The following ALDH1L1 variants were observed in gnomAD, a reference collection of about 807,000 sequenced individuals.
ALDH1L1 encodes aldehyde dehydrogenase 1 family member L1.
ALDH1L1 carries 68 observed loss-of-function variants against 101.1 expected under a neutral mutation model. The observed-to-expected ratio is 0.67, with a 90% CI of 0.55 to 0.82. The LOEUF is 0.82. ALDH1L1 is among the 40% of genes least tolerant of loss of function. The pLI is 0.00. For synonymous variants in ALDH1L1, 486 were observed against 470.8 expected, an observed-to-expected ratio of 1.03 and a Z score of -0.42; for missense variants, 1,087 against 1,172.7, an observed-to-expected ratio of 0.93 and a Z score of 1.07.
intron 1 of ALDH1L1, among the ~76,000 whole-genome samples, chr3:126,167,389 G>A (rs767692116): frequency 6.6e-6 from 1 of 152,078 alleles, no homozygotes; most frequent in Non-Finnish European, 1.5e-5. Flanking sequence ...TCATGCTGAA[G>A]CTCTAACCTA....
Position 126,135,577 on chromosome 3 carries a change from C to A in ALDH1L1, c.1430G>T (p.Trp477Leu). The A allele has an allele frequency of 6.2e-7, 1 of 1,602,706 alleles. No homozygotes were observed. The highest frequency in any genetic ancestry group is 8.5e-7 in the Non-Finnish European group (1 of 1,175,060). ...CCGGTCCCGCGCACTGATCTTCCCC[C>A]ACCGTCCATTCTCAAAGGCATCCTT... ...AAKDAFENGRWGKISARDRGR... is the reference protein window; with the variant it reads ...AAKDAFENGRLGKISARDRGR... The change falls in exon 12 of 23, where the codon TGG (tryptophan) becomes TTG (leucine). Residue 477 changes from tryptophan to leucine, a missense_variant. Physicochemically the swap from Trp to Leu is moderately conservative, Grantham distance 61 (BLOSUM62 -2). Around this residue, in one of 2 missense-constraint regions of ALDH1L1, gnomAD observed 645 missense variants for 637.0 expected, o/e 1.01. Transcript: ENST00000393434.
At chr3:126,110,447 C>T (rs762988391) in intron 19 of ALDH1L1, among the ~76,000 whole-genome samples, 18 of 152,266 alleles carry the variant, frequency 1.2e-4, no homozygotes, top group Non-Finnish European at 2.5e-4. Context: ...TCTGGTCCTG[C>T]ACCAGCCTCA....
intron 19 of ALDH1L1, chr3:126,110,418 A>C: frequency 2.5e-6 from 1 of 394,272 alleles, no homozygotes; most frequent in South Asian, 3.6e-5. Flanking sequence ...GATGGGGCTC[A>C]ATACAACACG....
In ALDH1L1 at chr3:126,103,649, G is replaced by T; in HGVS notation, c.*142C>A. 1.2e-6 allele frequency: 1 copy of T among 838,860 alleles called. No homozygotes were observed. Among genetic ancestry groups the T allele is most frequent in the Non-Finnish European group, 1.9e-6 (1 of 528,990 alleles). The allele number at this position is 838,860 out of a possible 1,614,324, so 52.0% of individuals were successfully genotyped here. A position where few individuals can be genotyped will look rare whatever the true frequency, so the allele number is the denominator to read the frequency against. ...GGCTGCTTCTGACTGGACAGAGGGC[G>T]TCCAAGATGCAGACATGGTGTGCAG... is the stretch of plus-strand genomic sequence containing the variant. On this transcript the variant is annotated 3_prime_UTR_variant, in exon 23 of 23. Coordinates refer to ENST00000393434, the MANE Select transcript of ALDH1L1 (RefSeq NM_012190.4).
At chr3:126,125,960 C>T (rs915179489) in intron 14 of ALDH1L1, among the ~76,000 whole-genome samples, 10 of 152,152 alleles carry the variant, frequency 6.6e-5, no homozygotes, top group African/African-American at 2.4e-4. Flanking sequence ...GCATGGGATA[C>T]TGGACCATTT....
upstream of ALDH1L1, chr3:126,181,233 A>G: frequency 1.7e-6 from 1 of 587,560 alleles, no homozygotes; most frequent in Non-Finnish European, 3.0e-6. Context: ...GGTCTCAGGC[A>G]AGGCCATGTA....
At chr3:126,138,638 G>A (rs754277243) in intron 9 of ALDH1L1, among the ~76,000 whole-genome samples, 6 of 152,120 alleles carry the variant, frequency 3.9e-5, no homozygotes, top group Non-Finnish European at 8.8e-5. Context: ...TCCCACTATT[G>A]GGAAAGATGT....
intron 1 of ALDH1L1, among the ~76,000 whole-genome samples, chr3:126,163,252 T>G (rs2081097756): frequency 6.6e-6 from 1 of 152,232 alleles, no homozygotes; most frequent in African/African-American, 2.4e-5. Context: ...TTGTCTTTTT[T>G]GTTGCTAGCA....
At chr3:126,149,853 A>G (rs1328531757) in intron 8 of ALDH1L1, among the ~76,000 whole-genome samples, 15 of 152,214 alleles carry the variant, frequency 9.9e-5, no homozygotes, top group Admixed American at 9.8e-4. Flanking sequence ...CACCCAGGGA[A>G]GAAGGATACA....
chr3:126,153,454 T>C lies in ALDH1L1; in HGVS notation c.848A>G (p.Asp283Gly). The C allele has an allele frequency of 6.2e-7, 1 of 1,613,962 alleles. No individual in the cohort carries two copies. The highest frequency in any genetic ancestry group is 8.5e-7 in the Non-Finnish European group (1 of 1,180,038). ...TKAGLILFGN[D>G]DKMLLVKNIQ... is the part of the protein sequence containing the mutation. ...CAGCCGTGCCCTTACCATTTTGTCA[T>C]CATTCCCAAAGAGGATGAGTCCTGC... is the stretch of plus-strand genomic sequence containing the variant. The change falls in exon 7 of 23, where the codon GAT (aspartate) becomes GGT (glycine). Residue 283 changes from aspartate to glycine, a missense_variant. By Grantham distance (94) the Asp-to-Gly change is moderately conservative (BLOSUM62 -1). This residue lies in a region of ALDH1L1 where 645 missense variants were observed against 637.0 expected (regional missense o/e 1.01). Transcript: ENST00000393434.
chr3:126,146,896 G>C lies in ALDH1L1; in HGVS notation c.1015C>G (p.Leu339Val), dbSNP rs1402676928. Residue 339 changes from leucine to valine, a missense_variant, in exon 9 of 23, where the codon CTG (leucine) becomes GTG (valine). By Grantham distance (32) the Leu-to-Val change is conservative (BLOSUM62 1). Around this residue, in one of 2 missense-constraint regions of ALDH1L1, gnomAD observed 645 missense variants for 637.0 expected, o/e 1.01. Transcript: ENST00000393434. The part of the protein sequence containing the change: ...SVWQRILPKV[L>V]EVEDSTDFFK... ...AAATCAGTGGAGTCTTCAACCTCCA[G>C]GACTTTGGGGAGGATCCGCTGCCAA... is the stretch of plus-strand genomic sequence containing the variant. The C allele has an allele frequency of 6.2e-7, 1 of 1,614,086 alleles. No homozygotes were observed. Among genetic ancestry groups the C allele is most frequent in the Non-Finnish European group, 8.5e-7 (1 of 1,180,002 alleles).
intron 8 of ALDH1L1, 121 bp from the exon 9 acceptor site, chr3:126,147,047 T>G (rs1388319992): frequency 4.6e-6 from 4 of 876,038 alleles, no homozygotes; most frequent in South Asian, 1.7e-5. Context: ...CTTCTCTATG[T>G]ACCTCCAAGT....
chr3:126,115,884 T>C (rs1034752454), intron 17 of ALDH1L1, among the ~76,000 whole-genome samples: 2 of 152,058 alleles, frequency 1.3e-5, no homozygotes, highest in African/African-American at 4.8e-5. Context: ...CTTTTTTTTT[T>C]TCCTTTGAGA....
intron 18 of ALDH1L1, among the ~76,000 whole-genome samples, chr3:126,113,554 G>T (rs565680652): frequency 2.6e-5 from 4 of 152,296 alleles, no homozygotes; most frequent in African/African-American, 9.6e-5. Context: ...CAATGACAGG[G>T]CCCCGACCTC....
chr3:126,168,907 G>GTCAAT (rs2081221217), intron 1 of ALDH1L1, among the ~76,000 whole-genome samples: 1 of 152,016 alleles, frequency 6.6e-6, no homozygotes, highest in African/African-American at 2.4e-5. Context: ...ACATTTCTTT[G>GTCAAT]TCAATTGTGT....
chr3:126,178,476 A>T (rs2081407384), intron 1 of ALDH1L1, among the ~76,000 whole-genome samples: 1 of 151,962 alleles, frequency 6.6e-6, no homozygotes, highest in Non-Finnish European at 1.5e-5. Flanking sequence ...AGAATATGGG[A>T]ACTCTGCACT....
chr3:126,162,274 A>C (rs2081074733), intron 1 of ALDH1L1, among the ~76,000 whole-genome samples: 1 of 152,146 alleles, frequency 6.6e-6, no homozygotes, highest in African/African-American at 2.4e-5. Context: ...TCCAGCTTTA[A>C]CAGACGCTGC....
intron 16 of ALDH1L1, 37 bp downstream of exon 16, chr3:126,124,327 C>A (rs770155398): frequency 6.4e-7 from 1 of 1,565,430 alleles, no homozygotes; most frequent in African/African-American, 1.4e-5. Flanking sequence ...CTCCAGCTGC[C>A]AGAAGCCCTA....
intron 1 of ALDH1L1, among the ~76,000 whole-genome samples, chr3:126,178,231 A>T (rs529531582): frequency 1.3e-5 from 2 of 151,824 alleles, no homozygotes; most frequent in South Asian, 2.1e-4. Context: ...AAATTTTTAA[A>T]TTAGCCAGGC....
Sources: gnomAD v4.1 joint callset for allele counts (sites outside exome capture counted in the v4.1 genomes callset) on GRCh38, gnomAD v4.1.1 for gene constraint, gnomAD v4.1.1 regional missense constraint, MANE v1.5 for transcripts, NCBI Gene and HGNC (gene_info 2026-07-23, HGNC 2026-07-21) for gene names.